The following GTF2F2 variants were observed in gnomAD, a reference collection of about 807,000 sequenced individuals.
GTF2F2 encodes the protein general transcription factor IIF subunit 2.
GTF2F2 carries 23 observed loss-of-function variants against 42.2 expected under a neutral mutation model. The ratio of observed to expected loss-of-function variants is 0.55; its 90% CI spans 0.39 to 0.77. The LOEUF (loss-of-function observed/expected upper bound fraction) is 0.77, where lower values mean the gene tolerates loss of function less well. Among genes scored for constraint, GTF2F2 ranks in the 30% least tolerant of loss-of-function variants. GTF2F2 has a pLI of 0.00. For missense variants in GTF2F2, 261 were observed against 287.2 expected (o/e 0.91, Z 0.66); for synonymous variants, 105 against 100.8 (o/e 1.04, Z -0.25).
At chr13:45,184,086 C>T (rs968326594) in intron 4 of GTF2F2, among the ~76,000 whole-genome samples, 4 of 151,814 alleles carry the variant, frequency 2.6e-5, no homozygotes, top group African/African-American at 9.7e-5. Flanking sequence ...CTTGAACTCC[C>T]GACAAGTGAT....
intron 5 of GTF2F2, among the ~76,000 whole-genome samples, chr13:45,223,823 GA>G (rs1874218979): frequency 6.6e-6 from 1 of 152,072 alleles, no homozygotes; most frequent in South Asian, 2.1e-4. Context: ...AATCTTAAAG[GA>G]TGTCTTGTCT....
At chr13:45,209,584 C>T (rs1364929027) in intron 5 of GTF2F2, among the ~76,000 whole-genome samples, 1 of 152,102 alleles carries the variant, frequency 6.6e-6, no homozygotes, top group Non-Finnish European at 1.5e-5. Flanking sequence ...AATAGACATG[C>T]ACAAAGACAT....
At chr13:45,258,577 ATTAGC>A (rs2138254212) in intron 6 of GTF2F2, among the ~76,000 whole-genome samples, 1 of 152,308 alleles carries the variant, frequency 6.6e-6, no homozygotes, top group African/African-American at 2.4e-5. Context: ...ACCTTGTTAT[ATTAGC>A]TTAGCTATTG....
At chr13:45,220,505 A>G (rs1284672242) in intron 5 of GTF2F2, among the ~76,000 whole-genome samples, 2 of 152,158 alleles carry the variant, frequency 1.3e-5, no homozygotes, top group Non-Finnish European at 2.9e-5. Context: ...TATTTTCCAT[A>G]CTTATACTAC....
chr13:45,273,841 T>C (rs990863264), intron 7 of GTF2F2, among the ~76,000 whole-genome samples: 2 of 152,060 alleles, frequency 1.3e-5, no homozygotes, highest in East Asian at 3.9e-4. Flanking sequence ...GCTTATTAAC[T>C]GTCTGCTGCT....
At chr13:45,272,913 AC>A (rs1022844085) in intron 7 of GTF2F2, among the ~76,000 whole-genome samples, 6 of 137,238 alleles carry the variant, frequency 4.4e-5, no homozygotes, top group Non-Finnish European at 9.3e-5. Context: ...GCCCCACCAC[AC>A]CTGGCTAATT....
At chr13:45,158,215 C>T (rs1399602448) in intron 4 of GTF2F2, among the ~76,000 whole-genome samples, 1 of 152,128 alleles carries the variant, frequency 6.6e-6, no homozygotes, top group Non-Finnish European at 1.5e-5. Context: ...GCAGCTTCCC[C>T]CATACTGTTC....
At chr13:45,203,276 G>A (rs951142330) in intron 4 of GTF2F2, among the ~76,000 whole-genome samples, 4 of 150,662 alleles carry the variant, frequency 2.7e-5, no homozygotes, top group Non-Finnish European at 4.4e-5. Context: ...GTAGAGAGAC[G>A]GTTTCCTTGT....
chr13:45,219,091 G>A (rs1874006253), intron 5 of GTF2F2, among the ~76,000 whole-genome samples: 2 of 151,806 alleles, frequency 1.3e-5, no homozygotes, highest in African/African-American at 4.8e-5. Context: ...GAATGGTTCA[G>A]CCTGCATAGT....
At chr13:45,122,612 C>T (rs989047912) in intron 1 of GTF2F2, among the ~76,000 whole-genome samples, 1 of 151,656 alleles carries the variant, frequency 6.6e-6, no homozygotes, top group Non-Finnish European at 1.5e-5. Flanking sequence ...CCAGCCTGGG[C>T]AACAGAGCAA....
At chr13:45,169,407 A>C (rs935059403) in intron 4 of GTF2F2, among the ~76,000 whole-genome samples, 1 of 152,158 alleles carries the variant, frequency 6.6e-6, no homozygotes, top group East Asian at 1.9e-4. Context: ...GAAGAAGCCA[A>C]AGTTGTAGGC....
intron 2 of GTF2F2, among the ~76,000 whole-genome samples, chr13:45,140,114 A>ATTT (rs1002989702): frequency 7.1e-6 from 1 of 140,810 alleles, no homozygotes; most frequent in Non-Finnish European, 1.6e-5. Flanking sequence ...TGCCCAGCTA[A>ATTT]TTTTTTTTTT....
At chr13:45,215,823 G>A (rs1451617369) in intron 5 of GTF2F2, among the ~76,000 whole-genome samples, 3 of 151,910 alleles carry the variant, frequency 2.0e-5, no homozygotes, top group Non-Finnish European at 2.9e-5. Flanking sequence ...CTCAGTGGTA[G>A]AGATCACCCT....
At chr13:45,144,800 GAC>G (rs773748965) in intron 2 of GTF2F2, among the ~76,000 whole-genome samples, 8 of 152,080 alleles carry the variant, frequency 5.3e-5, no homozygotes, top group Admixed American at 2.6e-4. Context: ...AAATTAATGA[GAC>G]ACAATTTTTC....
rs1366059597 is a variant in GTF2F2, at chr13:45,136,781, G to C, written c.115G>C (p.Glu39Gln). ...ATGGGCTAAAGCCTCTGGAAGAGGT[G>C]AAGTTGGGAAACTGCGGATTGCCAA... Reference protein sequence around the residue: ...QQWAKASGRGEVGKLRIAKTQ... With the variant: ...QQWAKASGRGQVGKLRIAKTQ... Residue 39 changes from glutamate to glutamine, a missense_variant, in exon 2 of 8, where the codon GAA becomes CAA. Transcript: ENST00000340473. 1 of 1,597,796 alleles carries C rather than the reference G, an allele frequency of 6.3e-7. No homozygotes were observed. The highest frequency in any genetic ancestry group is 8.6e-7 in the Non-Finnish European group (1 of 1,165,956).
intron 6 of GTF2F2, among the ~76,000 whole-genome samples, chr13:45,253,543 C>T (rs542448524): frequency 1.3e-5 from 2 of 152,320 alleles, no homozygotes; most frequent in African/African-American, 4.8e-5. Flanking sequence ...TATGCAGTTT[C>T]AGTGACCCAC....
chr13:45,264,247 A>G (rs1385326625), intron 6 of GTF2F2, among the ~76,000 whole-genome samples: 1 of 148,564 alleles, frequency 6.7e-6, no homozygotes, highest in Non-Finnish European at 1.5e-5. Context: ...GTAAACCAAG[A>G]TTTTTTTTTT....
chr13:45,177,069 C>T (rs1003424838), intron 4 of GTF2F2, among the ~76,000 whole-genome samples: 5 of 152,082 alleles, frequency 3.3e-5, no homozygotes, highest in African/African-American at 4.8e-5. Flanking sequence ...GGATTACAGG[C>T]GTGAGCCACT....
chr13:45,259,830 T>C (rs1250457254), intron 6 of GTF2F2, among the ~76,000 whole-genome samples: 1 of 151,914 alleles, frequency 6.6e-6, no homozygotes, highest in African/African-American at 2.4e-5. Context: ...GCCAATGTGA[T>C]CCACCCATCT....
Sources: allele counts gnomAD v4.1 joint callset (sites outside exome capture counted in the v4.1 genomes callset), GRCh38; gene constraint gnomAD v4.1.1; transcripts MANE v1.5; gene names NCBI Gene and HGNC (gene_info 2026-07-23, HGNC 2026-07-21).